Variants in RRAGB observed in about 807,000 individuals in gnomAD.
The protein encoded by RRAGB is Ras related GTP binding B.
In RRAGB, 6 loss-of-function variants were observed where a neutral mutation model predicts 29.3. The observed-to-expected ratio is 0.21, with a 90% CI of 0.11 to 0.40. The LOEUF is 0.40. Ranked by LOEUF, RRAGB falls within the 10% of genes least tolerant of loss-of-function variation. The probability of loss-of-function intolerance (pLI) is 1.00; values close to 1 mark genes in which losing one functional copy is unlikely to be tolerated. For missense variants in RRAGB, 184 were observed against 272.9 expected, an observed-to-expected ratio of 0.67 and a Z score of 2.29; for synonymous variants, 101 against 92.5, an observed-to-expected ratio of 1.09 and a Z score of -0.53.
chrX:55,746,250 A>G (rs770593343), intron 5 of RRAGB, among the ~76,000 whole-genome samples: 10 of 111,977 alleles, frequency 8.9e-5, no homozygotes, highest in Admixed American at 2.8e-4. Flanking sequence ...GAATTCTTCC[A>G]CATATACAGA....
intron 6 of RRAGB, chrX:55,752,360 G>C: frequency 1.3e-6 from 1 of 753,566 alleles, no homozygotes; most frequent in Non-Finnish European, 1.6e-6. Context: ...TGCTGTGAGT[G>C]ACAATGTCTC....
intron 2 of RRAGB, among the ~76,000 whole-genome samples, chrX:55,720,687 CA>C (rs3077387): frequency 0.54 from 48,335 of 90,291 alleles, 11,949 homozygotes; most frequent in East Asian, 0.73. Flanking sequence ...CTAAATATAC[CA>C]AAAAAAAAAA....
intron 5 of RRAGB, among the ~76,000 whole-genome samples, chrX:55,750,352 G>A (rs2034487427): frequency 9.0e-6 from 1 of 110,521 alleles, no homozygotes; most frequent in African/African-American, 3.3e-5. Context: ...AGTTAATGTG[G>A]AGTTAATTTT....
Position 55,722,169 on chromosome X carries a change from C to T in RRAGB, c.127-17C>T. On this transcript the variant is annotated splice_polypyrimidine_tract_variant and intron_variant, in intron 2 of 9. Coordinates refer to ENST00000374941, the MANE Select transcript of RRAGB (RefSeq NM_006064.5). ...TTGCTAACTTTTTTCCTTTCCTTTT[C>T]CCTACTTTGTCCTTAGGTGCTGTTG... 2.8e-6 allele frequency: 3 copies of T among 1,071,904 alleles called. No homozygotes were observed. The highest frequency in any genetic ancestry group is 3.9e-6 in the Non-Finnish European group (3 of 776,337). The allele number at this position is 1,071,904 out of a possible 1,213,427, so 88.3% of individuals were successfully genotyped here. A position where few individuals can be genotyped will look rare whatever the true frequency, so the allele number is the denominator to read the frequency against.
intron 8 of RRAGB, 136 bp downstream of exon 8, chrX:55,756,068 A>G: frequency 2.3e-6 from 1 of 442,724 alleles, no homozygotes. Context: ...GCTAAATTCT[A>G]AGGGGCCTCC....
intron 5 of RRAGB, among the ~76,000 whole-genome samples, chrX:55,741,797 A>G (rs1320558046): frequency 8.9e-6 from 1 of 112,145 alleles, no homozygotes; most frequent in African/African-American, 3.2e-5. Context: ...ATCTCATCTG[A>G]AAACTACCTT....
At chrX:55,729,500 C>A in intron 4 of RRAGB, 140 bp downstream of exon 4, 3 of 407,190 alleles carry the variant, frequency 7.4e-6, no homozygotes, top group Non-Finnish European at 1.3e-5. Context: ...ACACTTGAGT[C>A]AATAAACATC....
intron 7 of RRAGB, chrX:55,755,501 T>C (rs184878582): frequency 4.1e-6 from 3 of 731,524 alleles, no homozygotes. Context: ...TTTTTCTTTT[T>C]GATTGATACT....
In RRAGB at chrX:55,732,949, G is replaced by GT. The variant is rs1372248362; in HGVS notation, c.516+1372dup. Among the ~76,000 whole-genome samples, 34 of 109,228 alleles carry GT rather than the reference G, an allele frequency of 3.1e-4. No homozygotes were observed. The East Asian group carries it at 6.3e-3, about 20-fold the overall frequency. 94.9% of individuals were successfully genotyped at this position (109,228 alleles called of 115,157 possible). On this transcript the variant is annotated intron_variant, in intron 5 of 9. Coordinates refer to ENST00000374941, the MANE Select transcript of RRAGB (RefSeq NM_006064.5). Reference sequence around the variant, plus strand: ...TTTTATTCACTTGTAATTTTGTGGGGTTTTTTTTTAGTATTTTAATTTATT... The same window carrying GT: ...TTTTATTCACTTGTAATTTTGTGGGGTTTTTTTTTTAGTATTTTAATTTATT...
At chrX:55,732,299 T>C (rs770517357) in intron 5 of RRAGB, among the ~76,000 whole-genome samples, 1 of 112,288 alleles carries the variant, frequency 8.9e-6, no homozygotes, top group Admixed American at 9.4e-5. Context: ...TCATATAGTC[T>C]AGCTGCAATA....
At chrX:55,718,786 C>G (rs1285483731) in intron 1 of RRAGB, among the ~76,000 whole-genome samples, 1 of 111,244 alleles carries the variant, frequency 9.0e-6, no homozygotes, top group Non-Finnish European at 1.9e-5. Context: ...GTTTTCTGTG[C>G]CAATTTGTAC....
chrX:55,730,069 T>TCATA (rs748493630), intron 4 of RRAGB, among the ~76,000 whole-genome samples: 34 of 112,198 alleles, frequency 3.0e-4, no homozygotes, highest in Middle Eastern at 9.2e-3. Context: ...TGGTACCAGC[T>TCATA]CATAGGGTTG....
In RRAGB at chrX:55,722,254, T is replaced by G. The variant is rs778378340; in HGVS notation, c.195T>G (p.Ile65Met). Residue 65 changes from isoleucine (I) to methionine (M), a missense_variant, in exon 3 of 10, where the codon ATT becomes ATG. Physicochemically the swap from Ile to Met is conservative, Grantham distance 10 (BLOSUM62 1). Transcript: ENST00000374941. ...GGTCTATTATCTTTGCAAATTATAT[T>G]GCCAGAGACACACGTCGCCTTGGCG... is the stretch of plus-strand genomic sequence containing the variant. ...SMRSIIFANY[I>M]ARDTRRLGAT... 4 of 1,196,087 alleles carry G rather than the reference T, an allele frequency of 3.3e-6. No individual in the cohort carries two copies. Among genetic ancestry groups the G allele is most frequent in the Non-Finnish European group, 4.5e-6 (4 of 882,720 alleles).
At chrX:55,755,050 G>GT in intron 7 of RRAGB, 1 of 746,093 alleles carries the variant, frequency 1.3e-6, no homozygotes, top group Non-Finnish European at 1.6e-6. Flanking sequence ...GTAACAGGTA[G>GT]TTTTTGTTTC....
rs746268139 is a variant in RRAGB at position 55,753,514 on chromosome X, G to A, written c.735G>A (p.Leu245=). 8.4e-7 allele frequency: 1 copy of A among 1,186,662 alleles called. No homozygotes were observed. Among genetic ancestry groups the A allele is most frequent in the Non-Finnish European group, 1.1e-6 (1 of 877,559 alleles). ...TTCTTTTTGAGAGAGCTACTTTTCT[G>A]GTAAGAACTTTCTGCTTTGCAGATG... ...EVLLFERATF[L]VISHYQCKEQ... Residue 245 remains leucine (L), a splice_region_variant and synonymous_variant, in exon 7 of 10, where the codon CTG becomes CTA. Coordinates refer to ENST00000374941, the MANE Select transcript of RRAGB (RefSeq NM_006064.5).
At chrX:55,748,765 C>A (rs1300503851) in intron 5 of RRAGB, among the ~76,000 whole-genome samples, 1 of 110,141 alleles carries the variant, frequency 9.1e-6, no homozygotes, top group African/African-American at 3.3e-5. Flanking sequence ...AGGCCAGCCG[C>A]CCCATCTGGG....
At chrX:55,733,117 C>A (rs745585199) in intron 5 of RRAGB, among the ~76,000 whole-genome samples, 1 of 111,177 alleles carries the variant, frequency 9.0e-6, no homozygotes, top group South Asian at 3.8e-4. Flanking sequence ...TCCCTCACCC[C>A]CCACAACCTC....
intron 2 of RRAGB, among the ~76,000 whole-genome samples, chrX:55,721,358 C>T (rs1200925524): frequency 8.9e-6 from 1 of 112,021 alleles, no homozygotes; most frequent in Non-Finnish European, 1.9e-5. Context: ...CAGCCTAGAG[C>T]ATTAGACTCA....
At chrX:55,747,327 A>C (rs2034278423) in intron 5 of RRAGB, among the ~76,000 whole-genome samples, 2 of 112,658 alleles carry the variant, frequency 1.8e-5, no homozygotes, top group Admixed American at 1.9e-4. Context: ...CTTTATTAGC[A>C]GATGCCCTGT....
Sources: gnomAD v4.1 joint callset for allele counts (sites outside exome capture counted in the v4.1 genomes callset) on GRCh38, gnomAD v4.1.1 for gene constraint, MANE v1.5 for transcripts, NCBI Gene and HGNC (gene_info 2026-07-23, HGNC 2026-07-21) for gene names.